PTPRD: variants seen among roughly 807,000 people sequenced by gnomAD.
PTPRD encodes the protein protein tyrosine phosphatase receptor type D, also known as receptor-type tyrosine-protein phosphatase delta.
Under a neutral mutation model 214.5 loss-of-function variants are expected in PTPRD, and 34 were observed. The observed-to-expected ratio is 0.16, with a 90% CI of 0.12 to 0.21. The LOEUF is 0.21. PTPRD is among the 10% of genes least tolerant of loss of function. The probability of loss-of-function intolerance (pLI) is 1.00; values close to 1 mark genes in which losing one functional copy is unlikely to be tolerated. For missense variants in PTPRD, 2,545 were observed against 2,398.7 expected (o/e 1.06, Z -1.27); for synonymous variants, 1,128 against 845.7 (o/e 1.33, Z -5.79).
rs529259978 is a variant in PTPRD at position 8,695,733 on chromosome 9, T to C, written c.64+38047A>G. ...AGCTCCTAGAAAATTAATAAACTGA[T>C]CTATGATAAATCAAATCATATTTTA... is the stretch of plus-strand genomic sequence containing the variant. On this transcript the variant is annotated intron_variant, in intron 12 of 45. Coordinates refer to ENST00000381196, the MANE Select transcript of PTPRD (RefSeq NM_002839.4). Among the ~76,000 whole-genome samples, 4 of 152,366 alleles carry C rather than the reference T, an allele frequency of 2.6e-5. No homozygotes were observed. The South Asian group carries it at 6.2e-4, about 24-fold the overall frequency.
At chr9:10,340,218 C>T (rs1310014760) in intron 3 of PTPRD, among the ~76,000 whole-genome samples, 1 of 151,816 alleles carries the variant, frequency 6.6e-6, no homozygotes, top group Non-Finnish European at 1.5e-5. Flanking sequence ...CATTTGTTGT[C>T]AATGTTTTTC....
At chr9:8,926,451 T>C (rs1309028737) in intron 11 of PTPRD, among the ~76,000 whole-genome samples, 1 of 152,190 alleles carries the variant, frequency 6.6e-6, no homozygotes, top group Non-Finnish European at 1.5e-5. Flanking sequence ...TTTCTAATAC[T>C]TTATGGTAAG....
At chr9:8,788,757 C>A (rs188444983) in intron 11 of PTPRD, among the ~76,000 whole-genome samples, 4 of 152,218 alleles carry the variant, frequency 2.6e-5, no homozygotes, top group Admixed American at 2.6e-4. Flanking sequence ...CAAGTCAATC[C>A]TATTGCTTCC....
chr9:9,081,000 T>A (rs2099758227), intron 10 of PTPRD, among the ~76,000 whole-genome samples: 1 of 152,114 alleles, frequency 6.6e-6, no homozygotes. Flanking sequence ...CTCCTTCAGT[T>A]CTGCTTTGAT....
chr9:9,484,950 C>T (rs2095567126), intron 8 of PTPRD, among the ~76,000 whole-genome samples: 1 of 152,122 alleles, frequency 6.6e-6, no homozygotes, highest in Non-Finnish European at 1.5e-5. Context: ...CAAAAACTAT[C>T]AAAGTGGGTT....
At chr9:8,898,332 A>T (rs572503972) in intron 11 of PTPRD, among the ~76,000 whole-genome samples, 1 of 152,136 alleles carries the variant, frequency 6.6e-6, no homozygotes, top group African/African-American at 2.4e-5. Flanking sequence ...AGAGTTGGGG[A>T]TAGAGGGGAA....
chr9:8,980,367 A>T (rs968834453), intron 11 of PTPRD, among the ~76,000 whole-genome samples: 4 of 152,054 alleles, frequency 2.6e-5, no homozygotes, highest in Non-Finnish European at 5.9e-5. Flanking sequence ...GATTTAAAAA[A>T]ATAAGTAGAT....
At chr9:9,928,629 A>T (rs2085192543) in intron 5 of PTPRD, among the ~76,000 whole-genome samples, 1 of 152,112 alleles carries the variant, frequency 6.6e-6, no homozygotes, top group Non-Finnish European at 1.5e-5. Flanking sequence ...CTGTTATTAG[A>T]ATATTAACTA....
intron 37 of PTPRD, among the ~76,000 whole-genome samples, chr9:8,386,661 C>T (rs1025074026): frequency 6.6e-6 from 1 of 152,092 alleles, no homozygotes; most frequent in Non-Finnish European, 1.5e-5. Context: ...CAAGGTCAGC[C>T]CACAGAACCC....
chr9:9,166,837 C>G (rs1366677266), intron 10 of PTPRD, among the ~76,000 whole-genome samples: 1 of 152,058 alleles, frequency 6.6e-6, no homozygotes, highest in Non-Finnish European at 1.5e-5. Context: ...AAAAAGACAA[C>G]CTACCTATAG....
At chr9:8,859,730 C>A (rs79162786) in intron 11 of PTPRD, among the ~76,000 whole-genome samples, 11 of 151,510 alleles carry the variant, frequency 7.3e-5, no homozygotes, top group Admixed American at 1.3e-4. Flanking sequence ...TCCTCTGCCC[C>A]CTATGTACTC....
At chr9:9,823,986 T>C (rs1188530507) in intron 5 of PTPRD, among the ~76,000 whole-genome samples, 2 of 151,998 alleles carry the variant, frequency 1.3e-5, no homozygotes, top group Non-Finnish European at 2.9e-5. Flanking sequence ...ACCCCATAAA[T>C]ATGTACAACT....
intron 9 of PTPRD, among the ~76,000 whole-genome samples, chr9:9,355,217 A>G (rs1051846367): frequency 1.3e-5 from 2 of 151,632 alleles, no homozygotes; most frequent in Non-Finnish European, 3.0e-5. Context: ...GTTTTTATAT[A>G]CCAATTATAC....
chr9:10,265,286 C>T (rs1187559466), intron 3 of PTPRD, among the ~76,000 whole-genome samples: 3 of 152,158 alleles, frequency 2.0e-5, no homozygotes, highest in Non-Finnish European at 4.4e-5. Flanking sequence ...CTGGGCTAGC[C>T]TGTACAAAAC....
At chr9:9,088,275 G>A (rs1591399317) in intron 10 of PTPRD, among the ~76,000 whole-genome samples, 3 of 150,756 alleles carry the variant, frequency 2.0e-5, no homozygotes. Context: ...GTTAAGGAAG[G>A]GACAATCTTG....
chr9:10,550,449 G>C (rs1048223741), intron 2 of PTPRD, among the ~76,000 whole-genome samples: 1 of 152,078 alleles, frequency 6.6e-6, no homozygotes, highest in Non-Finnish European at 1.5e-5. Flanking sequence ...GAGTAGGGAA[G>C]GATGAAAGAC....
intron 8 of PTPRD, among the ~76,000 whole-genome samples, chr9:9,451,878 T>C (rs2092265333): frequency 6.6e-6 from 1 of 151,112 alleles, no homozygotes; most frequent in Admixed American, 6.6e-5. Flanking sequence ...TGAGAAAAAA[T>C]TCATTACAGA....
intron 3 of PTPRD, among the ~76,000 whole-genome samples, chr9:10,123,544 G>C (rs1022895398): frequency 1.3e-5 from 2 of 152,114 alleles, no homozygotes; most frequent in Non-Finnish European, 2.9e-5. Flanking sequence ...CTCCAGCCCT[G>C]TCCTTCATGA....
intron 8 of PTPRD, among the ~76,000 whole-genome samples, chr9:9,552,779 A>G (rs532745909): frequency 3.7e-4 from 56 of 152,214 alleles, no homozygotes; most frequent in Middle Eastern, 3.4e-3. Context: ...CTTTTCAAAG[A>G]TGAATGCTTC....
Sources: allele counts gnomAD v4.1 joint callset (sites outside exome capture counted in the v4.1 genomes callset), GRCh38; gene constraint gnomAD v4.1.1; transcripts MANE v1.5; gene names NCBI Gene and HGNC (gene_info 2026-07-23, HGNC 2026-07-21).